Variants in ENOX1 observed in about 807,000 individuals in gnomAD.
ENOX1 encodes candidate growth-related and time keeping constitutive hydroquinone (NADH) oxidase.
In ENOX1, 42 loss-of-function variants were observed where a neutral mutation model predicts 82.5. The ratio of observed to expected loss-of-function variants is 0.51; its 90% CI spans 0.40 to 0.66. The LOEUF (loss-of-function observed/expected upper bound fraction) is 0.66, where lower values mean the gene tolerates loss of function less well. ENOX1 is among the 30% of genes least tolerant of loss of function. The probability of loss-of-function intolerance (pLI) is 0.00; values close to 1 mark genes in which losing one functional copy is unlikely to be tolerated. For missense variants in ENOX1, 608 were observed against 811.6 expected, an observed-to-expected ratio of 0.75 and a Z score of 3.05; for synonymous variants, 271 against 282.2, an observed-to-expected ratio of 0.96 and a Z score of 0.40.
intron 5 of ENOX1, among the ~76,000 whole-genome samples, chr13:43,381,057 C>A (rs931033584): frequency 6.6e-6 from 1 of 151,818 alleles, no homozygotes. Flanking sequence ...CCAATTTGAC[C>A]TAACTGACAT....
At chr13:43,496,438 T>G (rs1205759977) in intron 2 of ENOX1, among the ~76,000 whole-genome samples, 1 of 151,828 alleles carries the variant, frequency 6.6e-6, no homozygotes, top group East Asian at 1.9e-4. Context: ...CAGGCTGGAG[T>G]GCAGTGGAAC....
At chr13:43,356,288 G>A (rs557517271) in intron 7 of ENOX1, 136 bp from the exon 8 acceptor site, 10 of 738,584 alleles carry the variant, frequency 1.4e-5, no homozygotes, top group African/African-American at 7.1e-5. Context: ...CATAGGAAGC[G>A]GGAAACAATT....
intron 3 of ENOX1, among the ~76,000 whole-genome samples, chr13:43,457,974 A>G (rs2057305307): frequency 6.6e-6 from 1 of 152,168 alleles, no homozygotes; most frequent in African/African-American, 2.4e-5. Context: ...CATCTCCCAA[A>G]GAAATTTATG....
intron 14 of ENOX1, among the ~76,000 whole-genome samples, chr13:43,261,558 TA>T: frequency 6.6e-6 from 1 of 152,194 alleles, no homozygotes; most frequent in Middle Eastern, 3.4e-3. Flanking sequence ...ATACAGCCGT[TA>T]AAAATCATGT....
At chr13:43,299,893 A>C (rs1432611321) in intron 11 of ENOX1, among the ~76,000 whole-genome samples, 1 of 152,154 alleles carries the variant, frequency 6.6e-6, no homozygotes, top group African/African-American at 2.4e-5. Context: ...AGAGGACCAA[A>C]TCAAGGTCGC....
chr13:43,397,624 T>C (rs2053234788), intron 5 of ENOX1, among the ~76,000 whole-genome samples: 1 of 152,188 alleles, frequency 6.6e-6, no homozygotes, highest in South Asian at 2.1e-4. Flanking sequence ...AGAAAAAGAG[T>C]ACTTTTGCCC....
At chr13:43,232,777 G>T (rs1004129614) in intron 15 of ENOX1, among the ~76,000 whole-genome samples, 1 of 152,158 alleles carries the variant, frequency 6.6e-6, no homozygotes, top group African/African-American at 2.4e-5. Context: ...AGAAGTTTTT[G>T]ACTACATCTG....
chr13:43,542,343 AG>A (rs2078772566), intron 2 of ENOX1, among the ~76,000 whole-genome samples: 1 of 151,188 alleles, frequency 6.6e-6, no homozygotes, highest in Non-Finnish European at 1.5e-5. Flanking sequence ...CGTGTTAGCC[AG>A]GATGTTCTCC....
chr13:43,338,272 T>A (rs2048830881), intron 9 of ENOX1, among the ~76,000 whole-genome samples: 1 of 152,214 alleles, frequency 6.6e-6, no homozygotes, highest in Non-Finnish European at 1.5e-5. Flanking sequence ...TGTTCATAAC[T>A]GAGAAACTGA....
intron 2 of ENOX1, among the ~76,000 whole-genome samples, chr13:43,624,763 C>A (rs2082893240): frequency 2.6e-5 from 4 of 152,082 alleles, no homozygotes; most frequent in Admixed American, 1.3e-4. Flanking sequence ...AGTGATATAT[C>A]TCTATCCATC....
chr13:43,219,811 C>A lies in ENOX1; in HGVS notation c.1800+4242G>T, dbSNP rs1198089975. 5.3e-5 allele frequency among the ~76,000 whole-genome samples: 8 copies of A among 152,242 alleles called. No homozygotes were observed. In the South Asian group the frequency reaches 6.2e-4, roughly 12 times the overall value. ...TGTTCTCATCATGGTTGGCTCCATA[C>A]CCCGTATCATCAGGCAAGGGAAGCC... On this transcript the variant is annotated intron_variant, in intron 16 of 16. Transcript: ENST00000690772.
intron 2 of ENOX1, among the ~76,000 whole-genome samples, chr13:43,520,739 C>T (rs527956470): frequency 1.1e-3 from 164 of 152,124 alleles, no homozygotes; most frequent in Non-Finnish European, 2.1e-3. Context: ...AATTTAAGCA[C>T]TTAAGGTCAG....
intron 14 of ENOX1, among the ~76,000 whole-genome samples, chr13:43,250,397 C>T (rs2043384454): frequency 1.3e-5 from 2 of 152,224 alleles, no homozygotes; most frequent in South Asian, 2.1e-4. Flanking sequence ...AGGACAGTGA[C>T]TGCTCTGTGA....
chr13:43,333,748 G>A (rs1309291570), intron 9 of ENOX1, among the ~76,000 whole-genome samples: 3 of 152,186 alleles, frequency 2.0e-5, no homozygotes, highest in Non-Finnish European at 1.5e-5. Context: ...TCAGCCTTCC[G>A]AGTAGCTGGT....
Position 43,449,797 on chromosome 13 carries a change from G to T in ENOX1, c.-75+34212C>A, listed in dbSNP as rs185736092. On this transcript the variant is annotated intron_variant, in intron 3 of 16. Transcript: ENST00000690772. Reference sequence around the variant, plus strand: ...ATATATCAAGATTCTTTCTACAACCGAAGAGACAAGAGGTAAATGCAAATG... The same window carrying T: ...ATATATCAAGATTCTTTCTACAACCTAAGAGACAAGAGGTAAATGCAAATG... 2.7e-3 allele frequency among the ~76,000 whole-genome samples: 405 copies of T among 151,988 alleles called. 1 individual carries two copies. The highest frequency in any genetic ancestry group is 9.4e-3 in the African/African-American group (389 of 41,438).
At chr13:43,619,864 T>C (rs2082646798) in intron 2 of ENOX1, among the ~76,000 whole-genome samples, 1 of 152,196 alleles carries the variant, frequency 6.6e-6, no homozygotes, top group Non-Finnish European at 1.5e-5. Context: ...AGAATTCTGC[T>C]GTGAATCGCT....
rs1299942591 is a variant in ENOX1 at position 43,786,044 on chromosome 13, C to G, written c.-285+608G>C. The stretch of plus-strand genomic sequence containing the variant: ...GCCAGGCAGGGCGCGCTCCCGCCGA[C>G]GAAGACCTGTCCAAGGTGTCCGAGC... On this transcript the variant is annotated intron_variant, in intron 1 of 16. Coordinates refer to ENST00000690772, the MANE Select transcript of ENOX1 (RefSeq NM_001347969.2). The surrounding 1 kb of genome is among the most constrained non-coding windows in gnomAD (Gnocchi z 6.0). Among the ~76,000 whole-genome samples, 1 of 152,138 alleles carries G rather than the reference C, an allele frequency of 6.6e-6. No individual in the cohort carries two copies. The highest frequency in any genetic ancestry group is 1.5e-5 in the Non-Finnish European group (1 of 68,008).
intron 16 of ENOX1, among the ~76,000 whole-genome samples, chr13:43,219,580 C>A (rs1157013426): frequency 6.6e-6 from 1 of 152,078 alleles, no homozygotes; most frequent in Admixed American, 6.5e-5. Context: ...TTATTTGCTA[C>A]AAATACAAAA....
chr13:43,521,241 A>G (rs906316731), intron 2 of ENOX1, among the ~76,000 whole-genome samples: 1 of 152,158 alleles, frequency 6.6e-6, no homozygotes, highest in Admixed American at 6.5e-5. Flanking sequence ...TGAATATATT[A>G]TTAAAAACAC....
Sources: gnomAD v4.1 joint callset for allele counts (sites outside exome capture counted in the v4.1 genomes callset) on GRCh38, gnomAD v4.1.1 for gene constraint, Gnocchi (gnomAD v3.1) non-coding constraint, MANE v1.5 for transcripts, NCBI Gene and HGNC (gene_info 2026-07-23, HGNC 2026-07-21) for gene names.